The following HCN1 variants were observed in gnomAD, a reference collection of about 807,000 sequenced individuals.
The protein encoded by HCN1 is potassium/sodium hyperpolarization-activated cyclic nucleotide-gated channel 1.
A neutral mutation model predicts 78.9 loss-of-function variants in HCN1; 13 were observed. That is an observed-to-expected ratio of 0.16 (90% CI 0.11 to 0.26). The LOEUF is 0.26. Ranked by LOEUF, HCN1 falls within the 10% of genes least tolerant of loss-of-function variation. HCN1 has a pLI of 1.00. For synonymous variants in HCN1, 552 were observed against 455.5 expected, an observed-to-expected ratio of 1.21 and a Z score of -2.70; for missense variants, 810 against 1,154.3, an observed-to-expected ratio of 0.70 and a Z score of 4.32.
chr5:45,639,258 G>A (rs566491186), intron 2 of HCN1, among the ~76,000 whole-genome samples: 8 of 152,180 alleles, frequency 5.3e-5, no homozygotes, highest in Admixed American at 2.6e-4. Flanking sequence ...ACACCTAGTG[G>A]TCTTTAGCAG....
At chr5:45,615,748 T>C (rs1037025216) in intron 2 of HCN1, among the ~76,000 whole-genome samples, 6 of 151,986 alleles carry the variant, frequency 3.9e-5, no homozygotes, top group African/African-American at 1.2e-4. Context: ...TATTTTCAAT[T>C]ATCTATGTCT....
chr5:45,325,654 C>T (rs1015189110), intron 5 of HCN1, among the ~76,000 whole-genome samples: 2 of 151,554 alleles, frequency 1.3e-5, no homozygotes, highest in African/African-American at 4.8e-5. Flanking sequence ...TTCTAAATTG[C>T]AAGATGGTTC....
chr5:45,667,985 A>T (rs748268944), intron 1 of HCN1, among the ~76,000 whole-genome samples: 4 of 151,990 alleles, frequency 2.6e-5, no homozygotes, highest in Non-Finnish European at 5.9e-5. Flanking sequence ...GGCCAAGATC[A>T]CTTGACTGGT....
intron 6 of HCN1, among the ~76,000 whole-genome samples, chr5:45,297,347 T>A (rs1745518279): frequency 1.3e-5 from 2 of 152,196 alleles, no homozygotes; most frequent in South Asian, 4.1e-4. Flanking sequence ...ACCCACACAC[T>A]TCCAGCTTGG....
chr5:45,511,523 T>C (rs1016561885), intron 2 of HCN1, among the ~76,000 whole-genome samples: 4 of 152,042 alleles, frequency 2.6e-5, no homozygotes, highest in African/African-American at 9.7e-5. Context: ...GATATGAATG[T>C]TTAATTAGAG....
At chr5:45,365,278 A>C (rs1747211184) in intron 4 of HCN1, among the ~76,000 whole-genome samples, 1 of 151,724 alleles carries the variant, frequency 6.6e-6, no homozygotes, top group Admixed American at 6.6e-5. Flanking sequence ...CTGGGCTTCT[A>C]ATGTACCCAT....
chr5:45,384,240 A>T (rs1350960863), intron 4 of HCN1, among the ~76,000 whole-genome samples: 5 of 152,160 alleles, frequency 3.3e-5, no homozygotes, highest in Non-Finnish European at 5.9e-5. Context: ...CCTTTCAAGT[A>T]GATAAAAGCC....
At chr5:45,361,346 T>C (rs1398724454) in intron 4 of HCN1, among the ~76,000 whole-genome samples, 1 of 152,166 alleles carries the variant, frequency 6.6e-6, no homozygotes, top group African/African-American at 2.4e-5. Flanking sequence ...CAGCTAATTG[T>C]GTACTTTCAG....
intron 2 of HCN1, among the ~76,000 whole-genome samples, chr5:45,490,103 T>C (rs149154706): frequency 1.3e-5 from 2 of 152,236 alleles, no homozygotes; most frequent in African/African-American, 4.8e-5. Flanking sequence ...TGAAACATGT[T>C]AAAAAGAAAA....
chr5:45,521,390 G>T (rs1393041784), intron 2 of HCN1, among the ~76,000 whole-genome samples: 4 of 151,920 alleles, frequency 2.6e-5, no homozygotes, highest in African/African-American at 9.7e-5. Flanking sequence ...AGTTCTGGAG[G>T]CTAGTAGTCT....
chr5:45,532,625 G>C (rs1229349248), intron 2 of HCN1, among the ~76,000 whole-genome samples: 1 of 152,078 alleles, frequency 6.6e-6, no homozygotes, highest in Admixed American at 6.5e-5. Context: ...CAAATAATCA[G>C]AGTTTTATAT....
intron 5 of HCN1, among the ~76,000 whole-genome samples, chr5:45,340,801 C>G (rs978836828): frequency 7.2e-5 from 11 of 152,032 alleles, no homozygotes; most frequent in Non-Finnish European, 1.6e-4. Flanking sequence ...TAGTTTAAGG[C>G]ACTAAGAAGA....
chr5:45,424,125 A>C lies in HCN1; in HGVS notation c.1012-27415T>G, dbSNP rs1369314317. Among the ~76,000 whole-genome samples the C allele has an allele frequency of 7.3e-4, 108 of 147,990 alleles. 2 individuals carry two copies. Among genetic ancestry groups the C allele is most frequent in the African/African-American group, 2.3e-3 (95 of 40,612 alleles). On this transcript the variant is annotated intron_variant, in intron 3 of 7. Coordinates refer to ENST00000303230, the MANE Select transcript of HCN1 (RefSeq NM_021072.4). ...CCCATCTCTACTAAAAATCCAAAAAAAAAAAAAAAAAAAAAAAATTAGCCA... is the reference window on the plus strand; with the variant it reads ...CCCATCTCTACTAAAAATCCAAAAACAAAAAAAAAAAAAAAAAATTAGCCA...
At chr5:45,571,577 A>T (rs966821818) in intron 2 of HCN1, among the ~76,000 whole-genome samples, 2 of 152,138 alleles carry the variant, frequency 1.3e-5, no homozygotes, top group Non-Finnish European at 2.9e-5. Flanking sequence ...TGCCTGTTCT[A>T]CTCAGGATAT....
In HCN1 at chr5:45,261,958, G is replaced by T; in HGVS notation, c.2636C>A (p.Pro879Gln). 4.3e-6 allele frequency: 7 copies of T among 1,614,094 alleles called. No homozygotes were observed. The highest frequency in any genetic ancestry group is 5.9e-6 in the Non-Finnish European group (7 of 1,180,022). ...RESSSVLNTD[P>Q]DAEKPRFASN... ...AGCAAATCGTGGCTTTTCTGCGTCT[G>T]GGTCTGTGTTTAAGACTGAGGAAGA... The change falls in exon 8 of 8, where the codon CCA (proline) becomes CAA (glutamine). Residue 879 changes from proline to glutamine, a missense_variant. Physicochemically the swap from Pro to Gln is moderately conservative, Grantham distance 76 (BLOSUM62 -1). Transcript: ENST00000303230.
intron 6 of HCN1, among the ~76,000 whole-genome samples, chr5:45,294,039 T>G (rs1300359273): frequency 1.3e-5 from 2 of 151,972 alleles, no homozygotes; most frequent in African/African-American, 2.4e-5. Flanking sequence ...CTCATAAATG[T>G]AATAGAAAAA....
At chr5:45,436,742 C>A (rs954012978) in intron 3 of HCN1, among the ~76,000 whole-genome samples, 1 of 152,270 alleles carries the variant, frequency 6.6e-6, no homozygotes, top group Middle Eastern at 3.4e-3. Context: ...CAGGACCACA[C>A]CCGTACTTTG....
At chr5:45,332,066 T>C (rs2111953290) in intron 5 of HCN1, among the ~76,000 whole-genome samples, 1 of 151,708 alleles carries the variant, frequency 6.6e-6, no homozygotes, top group African/African-American at 2.4e-5. Context: ...TTAATGGTTC[T>C]GATTTTAAAC....
intron 5 of HCN1, among the ~76,000 whole-genome samples, chr5:45,350,284 T>C (rs925908721): frequency 8.5e-5 from 13 of 152,138 alleles, no homozygotes; most frequent in African/African-American, 1.9e-4. Context: ...TACATGATTA[T>C]CTCAATAGAT....
Sources: allele counts gnomAD v4.1 joint callset (sites outside exome capture counted in the v4.1 genomes callset), GRCh38; gene constraint gnomAD v4.1.1; transcripts MANE v1.5; gene names NCBI Gene and HGNC (gene_info 2026-07-23, HGNC 2026-07-21).